The following UMODL1 variants were observed in gnomAD, a reference collection of about 807,000 sequenced individuals.
The protein encoded by UMODL1 is uromodulin-like 1.
A neutral mutation model predicts 136.3 loss-of-function variants in UMODL1; 128 were observed. The observed-to-expected ratio is 0.94, with a 90% CI of 0.81 to 1.09. The LOEUF (loss-of-function observed/expected upper bound fraction) is 1.09, where lower values mean the gene tolerates loss of function less well. Ranked by LOEUF, UMODL1 falls within the 50% of genes least tolerant of loss-of-function variation. The pLI is 0.00. For missense variants in UMODL1, 1,766 were observed against 1,725.6 expected, an observed-to-expected ratio of 1.02 and a Z score of -0.41; for synonymous variants, 721 against 720.0, an observed-to-expected ratio of 1.00 and a Z score of -0.02.
At chr21:42,121,583 A>G (rs2066973709) in intron 16 of UMODL1, among the ~76,000 whole-genome samples, 1 of 152,102 alleles carries the variant, frequency 6.6e-6, no homozygotes, top group African/African-American at 2.4e-5. Context: ...GGGACACGCG[A>G]CACAGGGGAA....
At chr21:42,110,617 GCCC>G (rs1189268584) in intron 10 of UMODL1, among the ~76,000 whole-genome samples, 1 of 152,150 alleles carries the variant, frequency 6.6e-6, no homozygotes. Flanking sequence ...GGGTTTTGTA[GCCC>G]CCCGGGTGGA....
At chr21:42,108,684 C>G (rs918852710) in intron 9 of UMODL1, 6 of 312,228 alleles carry the variant, frequency 1.9e-5, no homozygotes, top group African/African-American at 1.1e-4. Context: ...CTGGCCCTGA[C>G]GACCTCGGCT....
At chr21:42,084,361 C>G in intron 3 of UMODL1, 116 bp downstream of exon 3, 1 of 1,170,656 alleles carries the variant, frequency 8.5e-7, no homozygotes, top group Non-Finnish European at 1.2e-6. Context: ...CCGATTTCAT[C>G]AGGAGCCCCC....
chr21:42,105,107 A>T (rs1358438094), intron 9 of UMODL1, among the ~76,000 whole-genome samples: 1 of 151,896 alleles, frequency 6.6e-6, no homozygotes, highest in African/African-American at 2.4e-5. Context: ...GTGTGGGGGG[A>T]TCTACTCTTT....
chr21:42,127,568 G>A (rs2067076114), intron 19 of UMODL1, 104 bp from the exon 20 acceptor site: 1 of 1,323,256 alleles, frequency 7.6e-7, no homozygotes, highest in South Asian at 1.5e-5. Context: ...CGGAGCCTGT[G>A]GAATCTGCGA....
At position 42,139,092 on chromosome 21, in the gene UMODL1, C is replaced by T. The variant is rs147660969; in HGVS notation, c.*21+1451C>T. Among the ~76,000 whole-genome samples, 1,306 of 152,094 alleles carry T rather than the reference C, an allele frequency of 8.6e-3. 17 individuals are homozygous for T. The highest frequency in any genetic ancestry group is 0.029 in the African/African-American group (1,220 of 41,478). ...CTGAGGTGGAAGGATCCCTTGAGCTCGAGAGGTGGAGGTTGCAGTGAGCCG... is the reference window on the plus strand; with the variant it reads ...CTGAGGTGGAAGGATCCCTTGAGCTTGAGAGGTGGAGGTTGCAGTGAGCCG... On this transcript the variant is annotated intron_variant, in intron 22 of 22. Transcript: ENST00000408910.
At chr21:42,078,837 G>A (rs914424513) in intron 2 of UMODL1, among the ~76,000 whole-genome samples, 2 of 152,244 alleles carry the variant, frequency 1.3e-5, no homozygotes, top group African/African-American at 4.8e-5. Flanking sequence ...CCTTGGCCAT[G>A]CTGCTCAGGT....
In UMODL1 at chr21:42,127,892, C is replaced by G. The variant is rs150221362; in HGVS notation, c.3690+61C>G. On this transcript the variant is annotated intron_variant, in intron 20 of 22. Coordinates refer to ENST00000408910, the MANE Select transcript of UMODL1 (RefSeq NM_001004416.3). ...ATTCACGTTCCTTATTGTTACGGTTCGAGGCTCTGTTAATAAAAACCTAGG... is the reference window on the plus strand; with the variant it reads ...ATTCACGTTCCTTATTGTTACGGTTGGAGGCTCTGTTAATAAAAACCTAGG... 100 of 1,602,498 alleles carry G rather than the reference C, an allele frequency of 6.2e-5. No individual in the cohort carries two copies. The African/African-American group carries it at 1.1e-3, about 17-fold the overall frequency.
At chr21:42,086,867 G>A (rs540627127) in intron 4 of UMODL1, among the ~76,000 whole-genome samples, 1 of 152,378 alleles carries the variant, frequency 6.6e-6, no homozygotes, top group East Asian at 1.9e-4. Flanking sequence ...TGGGGAGGCT[G>A]AGGCAGGAGA....
chr21:42,097,012 A>G (rs2066566489), intron 6 of UMODL1, among the ~76,000 whole-genome samples: 1 of 152,048 alleles, frequency 6.6e-6, no homozygotes, highest in Admixed American at 6.6e-5. Flanking sequence ...GGTTCTGGTG[A>G]CCCTGGAGAC....
At chr21:42,118,887 G>A (rs563118855) in intron 14 of UMODL1, among the ~76,000 whole-genome samples, 2 of 152,178 alleles carry the variant, frequency 1.3e-5, no homozygotes, top group Non-Finnish European at 2.9e-5. Flanking sequence ...ACTGGTTTGG[G>A]GGGGGAAACA....
At chr21:42,090,823 C>T (rs2066483123) in intron 6 of UMODL1, among the ~76,000 whole-genome samples, 1 of 152,206 alleles carries the variant, frequency 6.6e-6, no homozygotes, top group African/African-American at 2.4e-5. Context: ...TCAGACAGTT[C>T]TGATGTTAGT....
In UMODL1 at chr21:42,122,805, T is replaced by C. The variant is rs2066993339; in HGVS notation, c.2828-26T>C. 3.2e-6 allele frequency: 5 copies of C among 1,561,138 alleles called. No homozygotes were observed. The African/African-American group carries it at 5.4e-5, about 17-fold the overall frequency. On this transcript the variant is annotated intron_variant, in intron 16 of 22. Transcript: ENST00000408910. This position sits in a 1 kb window ranked among gnomAD's most constrained non-coding sequence, Gnocchi z 4.3. ...CAACCCCAAACACAGAGCCACTCTT[T>C]GCCTTTTCCTCCTTGTGCCTTGCAG...
intron 7 of UMODL1, chr21:42,101,814 T>C (rs746975207): frequency 1.6e-4 from 72 of 449,668 alleles, no homozygotes; most frequent in Non-Finnish European, 3.0e-4. Flanking sequence ...AAGGGCCTCG[T>C]CGTGTGAGTA....
At chr21:42,125,426 C>T (rs934195467) in intron 17 of UMODL1, among the ~76,000 whole-genome samples, 14 of 152,160 alleles carry the variant, frequency 9.2e-5, no homozygotes, top group African/African-American at 3.4e-4. Context: ...AGGCACAGCT[C>T]ACTCTGCCGA....
At chr21:42,075,769 T>C (rs566750257) in intron 1 of UMODL1, among the ~76,000 whole-genome samples, 1 of 152,384 alleles carries the variant, frequency 6.6e-6, no homozygotes, top group Non-Finnish European at 1.5e-5. Context: ...GCGGCTTTCT[T>C]AGCAGGCCAG....
intron 6 of UMODL1, among the ~76,000 whole-genome samples, chr21:42,097,806 C>T (rs1235145683): frequency 6.6e-6 from 1 of 152,150 alleles, no homozygotes; most frequent in East Asian, 1.9e-4. Context: ...ACTTGCTGTA[C>T]AGCCAGAATG....
At chr21:42,088,939 C>T (rs1418650992) in intron 5 of UMODL1, among the ~76,000 whole-genome samples, 1 of 152,234 alleles carries the variant, frequency 6.6e-6, no homozygotes, top group African/African-American at 2.4e-5. Flanking sequence ...GCTCCTTCAG[C>T]ACAATTTGTC....
chr21:42,068,272 C>G (rs1451463703), upstream of UMODL1, among the ~76,000 whole-genome samples: 2 of 152,242 alleles, frequency 1.3e-5, no homozygotes, highest in Non-Finnish European at 2.9e-5. This position sits in a 1 kb window ranked among gnomAD's most constrained non-coding sequence, Gnocchi z 5.5. Flanking sequence ...GCACCTGAGT[C>G]ACCCGGATGC....
Sources: gnomAD v4.1 joint callset for allele counts (sites outside exome capture counted in the v4.1 genomes callset) on GRCh38, gnomAD v4.1.1 for gene constraint, Gnocchi (gnomAD v3.1) non-coding constraint, MANE v1.5 for transcripts, NCBI Gene and HGNC (gene_info 2026-07-23, HGNC 2026-07-21) for gene names.